TRAPPC9: variants seen among roughly 807,000 people sequenced by gnomAD.
The protein encoded by TRAPPC9 is trafficking protein particle complex subunit 9, also known as IKK2 binding protein.
TRAPPC9 carries 83 observed loss-of-function variants against 124.0 expected under a neutral mutation model. That is an observed-to-expected ratio of 0.67 (90% CI 0.56 to 0.80). The LOEUF (loss-of-function observed/expected upper bound fraction) is 0.80, where lower values mean the gene tolerates loss of function less well. TRAPPC9 is among the 30% of genes least tolerant of loss of function. The pLI is 0.00. For missense variants in TRAPPC9, 1,302 were observed against 1,508.3 expected (o/e 0.86, Z 2.27); for synonymous variants, 638 against 617.5 (o/e 1.03, Z -0.49).
chr8:140,190,762 T>TC (rs2062472317), intron 17 of TRAPPC9, among the ~76,000 whole-genome samples: 2 of 152,362 alleles, frequency 1.3e-5, no homozygotes, highest in South Asian at 4.1e-4. Flanking sequence ...GAAGTAGATT[T>TC]CTTTTTTTAA....
intron 7 of TRAPPC9, among the ~76,000 whole-genome samples, chr8:140,390,430 C>T (rs1588268702): frequency 6.6e-6 from 1 of 152,250 alleles, no homozygotes; most frequent in African/African-American, 2.4e-5. Context: ...GCATCATTCT[C>T]AATGCCTTCC....
intron 7 of TRAPPC9, among the ~76,000 whole-genome samples, chr8:140,375,281 C>A (rs1336117862): frequency 2.6e-5 from 4 of 152,176 alleles, no homozygotes; most frequent in African/African-American, 9.7e-5. Context: ...GCTGCACAGT[C>A]ACGAAGTCCA....
chr8:140,447,268 T>TA lies in TRAPPC9; in HGVS notation c.584+3521dup, dbSNP rs200635088. On this transcript the variant is annotated intron_variant, in intron 2 of 22. Transcript: ENST00000438773. Reference sequence around the variant, plus strand: ...CACCAAACGCCAATGGGTTACCTGCTAAAAAAAAGCTAAAATTAAAAAACA... The same window carrying TA: ...CACCAAACGCCAATGGGTTACCTGCTAAAAAAAAAGCTAAAATTAAAAAACA... 7.1e-3 allele frequency among the ~76,000 whole-genome samples: 1,084 copies of TA among 151,846 alleles called. 16 individuals carry two copies. The highest frequency in any genetic ancestry group is 0.025 in the African/African-American group (1,036 of 41,384).
At chr8:140,198,520 A>G (rs1001880359) in intron 17 of TRAPPC9, among the ~76,000 whole-genome samples, 20 of 152,062 alleles carry the variant, frequency 1.3e-4, no homozygotes, top group African/African-American at 3.9e-4. Flanking sequence ...CTGACTCCCT[A>G]TGATTTCAGC....
At chr8:139,943,794 G>T (rs926173992) in intron 19 of TRAPPC9, among the ~76,000 whole-genome samples, 1 of 152,178 alleles carries the variant, frequency 6.6e-6, no homozygotes, top group African/African-American at 2.4e-5. Flanking sequence ...ACAGAAGAAT[G>T]AAAGTGATGG....
intron 21 of TRAPPC9, among the ~76,000 whole-genome samples, chr8:139,763,920 G>A (rs1214765809): frequency 2.0e-5 from 3 of 152,216 alleles, no homozygotes; most frequent in South Asian, 2.1e-4. Flanking sequence ...TGGGGACACC[G>A]AGGAGGACTA....
intron 17 of TRAPPC9, among the ~76,000 whole-genome samples, chr8:140,212,897 G>GGTGAAACCCC (rs11282421): frequency 0.65 from 98,437 of 150,766 alleles, 32,634 homozygotes; most frequent in Admixed American, 0.73. Context: ...TGGCCAACAT[G>GGTGAAACCCC]GTCTCTACAA....
intron 9 of TRAPPC9, among the ~76,000 whole-genome samples, chr8:140,344,028 T>C (rs1486646639): frequency 1.3e-5 from 2 of 151,900 alleles, no homozygotes; most frequent in African/African-American, 2.4e-5. Context: ...AACGTCTGTG[T>C]CCCCCCAAAT....
At chr8:140,430,375 T>C (rs1037314037) in intron 4 of TRAPPC9, among the ~76,000 whole-genome samples, 2 of 152,162 alleles carry the variant, frequency 1.3e-5, no homozygotes, top group Non-Finnish European at 1.5e-5. Flanking sequence ...ACTGACCTCT[T>C]GCCCACCCCC....
chr8:139,886,838 A>C (rs545318451), intron 20 of TRAPPC9, among the ~76,000 whole-genome samples: 2 of 152,318 alleles, frequency 1.3e-5, no homozygotes, highest in East Asian at 3.9e-4. Context: ...ATTCTGGTGA[A>C]GGCAGCAACG....
At chr8:140,308,257 AG>A (rs2066192108) in intron 10 of TRAPPC9, among the ~76,000 whole-genome samples, 1 of 151,912 alleles carries the variant, frequency 6.6e-6, no homozygotes, top group South Asian at 2.1e-4. Flanking sequence ...GAGACAGGGC[AG>A]GCCACAGAGG....
At chr8:140,015,027 G>A (rs1374978604) in intron 18 of TRAPPC9, among the ~76,000 whole-genome samples, 1 of 152,216 alleles carries the variant, frequency 6.6e-6, no homozygotes, top group Non-Finnish European at 1.5e-5. Flanking sequence ...GACTACCCCA[G>A]GAGTAAATAA....
chr8:139,804,906 A>G lies in TRAPPC9; in HGVS notation c.3056-72704T>C, dbSNP rs551472259. Among the ~76,000 whole-genome samples, 14 of 152,184 alleles carry G rather than the reference A, an allele frequency of 9.2e-5. No homozygotes were observed. The South Asian group carries it at 2.7e-3, about 29-fold the overall frequency. ...CTGTATGGGAGGAGTATAAAATTCA[A>G]CCAAGGAAAGCTCCCCACCAGCCAC... is the stretch of plus-strand genomic sequence containing the variant. On this transcript the variant is annotated intron_variant, in intron 21 of 22. Transcript: ENST00000438773.
intron 9 of TRAPPC9, among the ~76,000 whole-genome samples, chr8:140,331,640 T>C (rs1271345087): frequency 6.6e-6 from 1 of 151,460 alleles, no homozygotes; most frequent in Non-Finnish European, 1.5e-5. Flanking sequence ...ATCATCATCA[T>C]CACCACCCCA....
chr8:140,248,842 T>G (rs571612629), intron 16 of TRAPPC9, among the ~76,000 whole-genome samples: 1 of 152,348 alleles, frequency 6.6e-6, no homozygotes, highest in South Asian at 2.1e-4. Flanking sequence ...ATAAGGTAAA[T>G]AATTTGCTTT....
At position 139,954,301 on chromosome 8, in the gene TRAPPC9, A is replaced by G. The variant is rs1289327488; in HGVS notation, c.2810+34425T>C. On this transcript the variant is annotated intron_variant, in intron 19 of 22. Transcript: ENST00000438773. ...TTTTTAGTATGTCAATTTTACCTCAAAAAAGCAGTTGTGATGGACTGAGTG... is the reference window on the plus strand; with the variant it reads ...TTTTTAGTATGTCAATTTTACCTCAGAAAAGCAGTTGTGATGGACTGAGTG... Among the ~76,000 whole-genome samples, 2 of 152,194 alleles carry G rather than the reference A, an allele frequency of 1.3e-5. 1 individual carries two copies. Among genetic ancestry groups the G allele is most frequent in the South Asian group, 4.1e-4 (2 of 4,822 alleles).
At chr8:139,833,803 C>T (rs542377601) in intron 21 of TRAPPC9, among the ~76,000 whole-genome samples, 1 of 152,158 alleles carries the variant, frequency 6.6e-6, no homozygotes, top group African/African-American at 2.4e-5. Flanking sequence ...AGCTTCCTTC[C>T]GCTTCAGGAG....
chr8:140,378,544 C>A (rs528227779), intron 7 of TRAPPC9, among the ~76,000 whole-genome samples: 1 of 152,246 alleles, frequency 6.6e-6, no homozygotes, highest in African/African-American at 2.4e-5. Context: ...ACCTTGTAAT[C>A]ATGTGAGTTA....
chr8:139,795,600 G>A (rs980075492), intron 21 of TRAPPC9, among the ~76,000 whole-genome samples: 3 of 152,074 alleles, frequency 2.0e-5, no homozygotes, highest in Non-Finnish European at 4.4e-5. Context: ...ATCAGTAAGC[G>A]GACACTTTGA....
Sources: gnomAD v4.1 joint callset for allele counts (sites outside exome capture counted in the v4.1 genomes callset) on GRCh38, gnomAD v4.1.1 for gene constraint, MANE v1.5 for transcripts, NCBI Gene and HGNC (gene_info 2026-07-23, HGNC 2026-07-21) for gene names.